DYNC1I1: variants seen among roughly 807,000 people sequenced by gnomAD.
The protein encoded by DYNC1I1 is cytoplasmic dynein 1 intermediate chain 1.
Under a neutral mutation model 86.6 loss-of-function variants are expected in DYNC1I1, and 43 were observed. That is an observed-to-expected ratio of 0.50 (90% CI 0.39 to 0.64). The LOEUF (loss-of-function observed/expected upper bound fraction) is 0.64, where lower values mean the gene tolerates loss of function less well. Among genes scored for constraint, DYNC1I1 ranks in the 30% least tolerant of loss-of-function variants. DYNC1I1 has a pLI of 0.00. For missense variants in DYNC1I1, 604 were observed against 788.8 expected (o/e 0.77, Z 2.81); for synonymous variants, 262 against 283.7 (o/e 0.92, Z 0.77).
intron 6 of DYNC1I1, among the ~76,000 whole-genome samples, chr7:95,909,682 G>T (rs1033750672): frequency 2.6e-5 from 4 of 152,024 alleles, no homozygotes; most frequent in Non-Finnish European, 5.9e-5. Flanking sequence ...TTTTTTTAAG[G>T]AAAAATTGTA....
intron 10 of DYNC1I1, among the ~76,000 whole-genome samples, chr7:96,003,765 C>A (rs1794074262): frequency 6.6e-6 from 1 of 152,018 alleles, no homozygotes; most frequent in Admixed American, 6.6e-5. Context: ...AGGCCACTAC[C>A]ACCCCCGAGA....
chr7:96,007,203 GC>G (rs1280096375), intron 10 of DYNC1I1, among the ~76,000 whole-genome samples: 1 of 152,046 alleles, frequency 6.6e-6, no homozygotes, highest in African/African-American at 2.4e-5. Flanking sequence ...AGGAATAATG[GC>G]AAAATAAATG....
intron 16 of DYNC1I1, among the ~76,000 whole-genome samples, chr7:96,104,843 T>C (rs1488138808): frequency 6.6e-6 from 1 of 152,128 alleles, no homozygotes; most frequent in African/African-American, 2.4e-5. Flanking sequence ...AAAGATTATT[T>C]TAACTATTCT....
chr7:96,022,578 AG>A (rs879708705), intron 10 of DYNC1I1, among the ~76,000 whole-genome samples: 6 of 152,082 alleles, frequency 3.9e-5, no homozygotes, highest in Admixed American at 3.9e-4. Context: ...AGAAGAAAAA[AG>A]AGGCTGGATA....
At position 95,869,936 on chromosome 7, in the gene DYNC1I1, C is replaced by A. The variant is rs1790118464; in HGVS notation, c.428C>A (p.Pro143Gln). ...AAGGTCACCCAAGTGGATTTCCTGC[C>A]AAGGGAAGTAGTGTCCTACTCAAAG... ...VSKVTQVDFL[P>Q]REVVSYSKET... Residue 143 changes from proline (P) to glutamine (Q), a missense_variant, in exon 6 of 17, where the codon CCA becomes CAA. Coordinates refer to ENST00000447467, the MANE Select transcript of DYNC1I1 (RefSeq NM_001135556.2). 1 of 1,613,852 alleles carries A rather than the reference C, an allele frequency of 6.2e-7. No individual in the cohort carries two copies. Among genetic ancestry groups the A allele is most frequent in the Admixed American group, 1.7e-5 (1 of 60,002 alleles).
At chr7:95,778,361 C>T (rs1292518801) in intron 1 of DYNC1I1, among the ~76,000 whole-genome samples, 1 of 152,200 alleles carries the variant, frequency 6.6e-6, no homozygotes, top group Non-Finnish European at 1.5e-5. Flanking sequence ...TAGAAAGCCA[C>T]TGTGGAGGCC....
intron 6 of DYNC1I1, among the ~76,000 whole-genome samples, chr7:95,910,151 ATTC>A (rs759991248): frequency 6.6e-6 from 1 of 152,080 alleles, no homozygotes; most frequent in South Asian, 2.1e-4. Flanking sequence ...AGGACTCAGA[ATTC>A]TTCTTTCTCC....
At chr7:96,092,794 A>G (rs1790886293) in intron 16 of DYNC1I1, among the ~76,000 whole-genome samples, 1 of 152,076 alleles carries the variant, frequency 6.6e-6, no homozygotes, top group Non-Finnish European at 1.5e-5. Flanking sequence ...CAACTTTTGC[A>G]CTTTTGCTTT....
chr7:96,105,878 T>TC (rs908289813), intron 16 of DYNC1I1, among the ~76,000 whole-genome samples: 2 of 152,200 alleles, frequency 1.3e-5, no homozygotes, highest in Non-Finnish European at 2.9e-5. Flanking sequence ...TAAGTTGTTT[T>TC]CAACAAGTTG....
At chr7:95,782,403 A>C (rs910838578) in intron 1 of DYNC1I1, among the ~76,000 whole-genome samples, 1 of 152,178 alleles carries the variant, frequency 6.6e-6, no homozygotes, top group Non-Finnish European at 1.5e-5. Context: ...TCAGCCACCA[A>C]CTCTACAAGT....
intron 14 of DYNC1I1, among the ~76,000 whole-genome samples, chr7:96,044,527 A>G (rs1789150478): frequency 6.6e-6 from 1 of 151,632 alleles, no homozygotes; most frequent in South Asian, 2.1e-4. Flanking sequence ...TGTGAAGGAG[A>G]GTAGAAAATC....
At chr7:96,009,600 G>T (rs1562970569) in intron 10 of DYNC1I1, among the ~76,000 whole-genome samples, 1 of 152,120 alleles carries the variant, frequency 6.6e-6, no homozygotes. Flanking sequence ...AACAAATACA[G>T]TCTTTTCTGT....
intron 6 of DYNC1I1, among the ~76,000 whole-genome samples, chr7:95,884,077 A>T (rs1426915805): frequency 6.6e-6 from 1 of 152,226 alleles, no homozygotes; most frequent in African/African-American, 2.4e-5. Context: ...TAATGATAGG[A>T]TAACTGCAGG....
At chr7:96,018,003 T>C (rs995429291) in intron 10 of DYNC1I1, among the ~76,000 whole-genome samples, 1 of 152,124 alleles carries the variant, frequency 6.6e-6, no homozygotes, top group Non-Finnish European at 1.5e-5. Flanking sequence ...ATCACCACAA[T>C]TGGTACTAAT....
intron 7 of DYNC1I1, 118 bp from the exon 8 acceptor site, chr7:95,984,697 T>C: frequency 1.1e-6 from 1 of 938,132 alleles, no homozygotes; most frequent in Non-Finnish European, 1.5e-6. Context: ...TGTTTCACTG[T>C]GTCTTGCCAC....
At chr7:96,020,193 G>A (rs1248224815) in intron 10 of DYNC1I1, among the ~76,000 whole-genome samples, 8 of 151,786 alleles carry the variant, frequency 5.3e-5, no homozygotes, top group African/African-American at 9.7e-5. Context: ...AAAATGGTGC[G>A]GCTGCTTGCA....
chr7:95,815,396 A>C (rs1794924602), intron 4 of DYNC1I1, among the ~76,000 whole-genome samples: 1 of 152,192 alleles, frequency 6.6e-6, no homozygotes, highest in Non-Finnish European at 1.5e-5. Context: ...ATAGAAATGC[A>C]AGAAAATTTG....
At chr7:96,098,624 T>G (rs1791080592), downstream of DYNC1I1, among the ~76,000 whole-genome samples, 1 of 152,160 alleles carries the variant, frequency 6.6e-6, no homozygotes, top group Non-Finnish European at 1.5e-5. Context: ...TTTGGAAAGC[T>G]CCTCCTTCTC....
chr7:95,950,867 C>T (rs532333011), intron 6 of DYNC1I1, among the ~76,000 whole-genome samples: 2 of 152,228 alleles, frequency 1.3e-5, no homozygotes, highest in South Asian at 2.1e-4. Flanking sequence ...AATCATGACA[C>T]AATAAAGTTA....
Sources: gnomAD v4.1 joint callset for allele counts (sites outside exome capture counted in the v4.1 genomes callset) on GRCh38, gnomAD v4.1.1 for gene constraint, MANE v1.5 for transcripts, NCBI Gene and HGNC (gene_info 2026-07-23, HGNC 2026-07-21) for gene names.